Variants in LRRC37A observed in about 807,000 individuals in gnomAD.
The protein encoded by LRRC37A is leucine-rich repeat-containing protein 37A.
In LRRC37A, 3 loss-of-function variants were observed where a neutral mutation model predicts 35.4. That is an observed-to-expected ratio of 0.08 (90% confidence interval 0.04 to 0.22). The LOEUF (loss-of-function observed/expected upper bound fraction) is 0.22. Ranked by LOEUF, LRRC37A falls within the 10% of genes least tolerant of loss-of-function variation. The pLI is 1.00. For synonymous variants in LRRC37A, 23 were observed against 215.0 expected (o/e 0.11, Z 7.81); for missense variants, 67 against 565.3 (o/e 0.12, Z 8.94).
chr17:46,275,311 G>T, the LRRC37A span: 10 of 752,690 alleles, frequency 1.3e-5, no homozygotes, highest in Middle Eastern at 4.5e-4. Flanking sequence ...AAAAGATCTG[G>T]CTCCTTAATT....
the LRRC37A span, among the ~76,000 whole-genome samples, chr17:46,282,413 G>GT: frequency 7.6e-6 from 1 of 131,414 alleles, no homozygotes; most frequent in African/African-American, 2.6e-5. Flanking sequence ...TCAGTTTTTT[G>GT]TTTGTTTTTT....
intron 7 of LRRC37A, among the ~76,000 whole-genome samples, chr17:46,324,039 C>T (rs80046227): frequency 8.7e-6 from 1 of 115,098 alleles, no homozygotes; most frequent in Non-Finnish European, 2.0e-5. Context: ...CTGCAGACAC[C>T]GAGGGACAAC....
At chr17:46,250,425 TG>T in the LRRC37A span, among the ~76,000 whole-genome samples, 1 of 152,212 alleles carries the variant, frequency 6.6e-6, no homozygotes, top group Non-Finnish European at 1.5e-5. Flanking sequence ...GATTAACATT[TG>T]AGTCAGCGGG....
At chr17:46,276,318 A>G in the LRRC37A span, among the ~76,000 whole-genome samples, 1 of 152,386 alleles carries the variant, frequency 6.6e-6, no homozygotes, top group South Asian at 2.1e-4. Context: ...ATAGTTTACA[A>G]TTTTTAAATA....
the LRRC37A span, chr17:46,275,428 A>G: frequency 8.6e-6 from 8 of 930,668 alleles, no homozygotes; most frequent in Admixed American, 1.7e-4. Flanking sequence ...CCTACAGAGT[A>G]TAGAAAAAGG....
upstream of LRRC37A, among the ~76,000 whole-genome samples, chr17:46,288,703 TTTC>T (rs2049985820): frequency 6.7e-6 from 1 of 148,790 alleles, no homozygotes; most frequent in Non-Finnish European, 1.5e-5. Flanking sequence ...CATCTTGTTT[TTTC>T]TTTTTTTTTT....
the LRRC37A span, chr17:46,267,470 G>C: frequency 1.2e-6 from 2 of 1,611,658 alleles, no homozygotes; most frequent in Non-Finnish European, 1.7e-6. Flanking sequence ...CCACATGTTA[G>C]TCCTGGACTC....
the LRRC37A span, among the ~76,000 whole-genome samples, chr17:46,279,693 C>G: frequency 6.6e-6 from 1 of 151,782 alleles, no homozygotes; most frequent in Admixed American, 6.6e-5. Flanking sequence ...ATGGGGTTTC[C>G]TCATGTTGCC....
At chr17:46,260,153 C>G in the LRRC37A span, 1 of 1,013,468 alleles carries the variant, frequency 9.9e-7, no homozygotes, top group Non-Finnish European at 1.4e-6. Context: ...GGCAGCAGCG[C>G]GGGCAGCAGC....
the LRRC37A span, among the ~76,000 whole-genome samples, chr17:46,286,861 C>A: frequency 2.0e-5 from 3 of 152,242 alleles, no homozygotes; most frequent in African/African-American, 7.2e-5. Context: ...TGCCCATTTA[C>A]AATCATTACA....
At chr17:46,308,113 A>G (rs1293322683) in intron 5 of LRRC37A, among the ~76,000 whole-genome samples, 1 of 63,646 alleles carries the variant, frequency 1.6e-5, no homozygotes, top group African/African-American at 3.9e-5. Flanking sequence ...ATCACAGTTG[A>G]TAAAAATTAA....
chr17:46,279,500 C>CTTTTTTTTTTTTTTTTTT, the LRRC37A span, among the ~76,000 whole-genome samples: 2 of 122,426 alleles, frequency 1.6e-5, no homozygotes, highest in South Asian at 2.5e-4. Context: ...TTCTTTCTTT[C>CTTTTTTTTTTTTTTTTTT]TTTTTTTTTT....
upstream of LRRC37A, among the ~76,000 whole-genome samples, chr17:46,290,489 C>T (rs376033763): frequency 3.3e-5 from 5 of 152,340 alleles, no homozygotes; most frequent in Non-Finnish European, 5.9e-5. Context: ...GATGGAGTCT[C>T]GCTCTGTCGT....
At chr17:46,267,323 C>G in the LRRC37A span, 4 of 1,442,562 alleles carry the variant, frequency 2.8e-6, no homozygotes, top group Non-Finnish European at 3.7e-6. Context: ...TTGGAAGCAG[C>G]GATGAACGGG....
chr17:46,274,188 T>C, the LRRC37A span, among the ~76,000 whole-genome samples: 138 of 152,354 alleles, frequency 9.1e-4, no homozygotes, highest in Non-Finnish European at 1.7e-3. Flanking sequence ...GACACCTCTG[T>C]CTGTGGGAGA....
chr17:46,263,809 G>C, the LRRC37A span, among the ~76,000 whole-genome samples: 1 of 148,816 alleles, frequency 6.7e-6, no homozygotes, highest in East Asian at 2.1e-4. Context: ...AGCCGAGATT[G>C]TGCCACTGCA....
the LRRC37A span, among the ~76,000 whole-genome samples, chr17:46,256,464 G>A: frequency 6.6e-6 from 1 of 152,124 alleles, no homozygotes; most frequent in Non-Finnish European, 1.5e-5. Flanking sequence ...ACCAAGTGAA[G>A]ATATGGCAAG....
chr17:46,285,964 T>A, the LRRC37A span, among the ~76,000 whole-genome samples: 2 of 149,140 alleles, frequency 1.3e-5, no homozygotes, highest in East Asian at 3.8e-4. Flanking sequence ...GTGAGCACTG[T>A]CATGACATCC....
chr17:46,272,045 C>T, the LRRC37A span, among the ~76,000 whole-genome samples: 2 of 152,240 alleles, frequency 1.3e-5, no homozygotes, highest in African/African-American at 4.8e-5. Flanking sequence ...TAGGCGTGAG[C>T]CACCATGCCC....
Sources: allele counts gnomAD v4.1 joint callset (sites outside exome capture counted in the v4.1 genomes callset), GRCh38; gene constraint gnomAD v4.1.1; transcripts MANE v1.5; gene names NCBI Gene and HGNC (gene_info 2026-07-23, HGNC 2026-07-21).